SESTD1: variants seen among roughly 807,000 people sequenced by gnomAD.
SESTD1 encodes SEC14 and spectrin domain containing 1, also known as SEC14 domain and spectrin repeat-containing protein 1.
In SESTD1, 43 loss-of-function variants were observed where a neutral mutation model predicts 101.7. The ratio of observed to expected loss-of-function variants is 0.42; its 90% CI spans 0.33 to 0.55. The LOEUF is 0.55. Among genes scored for constraint, SESTD1 ranks in the 20% least tolerant of loss-of-function variants. The pLI is 0.07. For missense variants in SESTD1, 647 were observed against 815.1 expected, an observed-to-expected ratio of 0.79 and a Z score of 2.51; for synonymous variants, 283 against 286.8, an observed-to-expected ratio of 0.99 and a Z score of 0.13.
intron 5 of SESTD1, among the ~76,000 whole-genome samples, chr2:179,158,773 T>C (rs1397763030): frequency 1.3e-5 from 2 of 152,204 alleles, no homozygotes; most frequent in Non-Finnish European, 2.9e-5. Flanking sequence ...CACTGGTGGC[T>C]ATTAAAAGTT....
chr2:179,181,872 TGCTAATGCAATTA>T (rs796465670), intron 3 of SESTD1, among the ~76,000 whole-genome samples: 1 of 152,220 alleles, frequency 6.6e-6, no homozygotes, highest in African/African-American at 2.4e-5. Context: ...GCAAGATTAC[TGCTAATGCAATTA>T]GCTAATGCTA....
chr2:179,191,991 C>CT (rs913291336), intron 1 of SESTD1, 125 bp from the exon 2 acceptor site: 91 of 681,428 alleles, frequency 1.3e-4, no homozygotes, highest in African/African-American at 2.5e-4. Flanking sequence ...CAAGATAATT[C>CT]TTTTTTTGTA....
In SESTD1 at chr2:179,104,160, TAA is replaced by T. The variant is rs2044331636; in HGVS notation, c.*5737_*5738del. 1 of 152,164 alleles carries T rather than the reference TAA, an allele frequency of 6.6e-6. No homozygotes were observed. Among genetic ancestry groups the T allele is most frequent in the Admixed American group, 6.6e-5 (1 of 15,256 alleles). 9.4% of individuals were successfully genotyped at this position (152,164 alleles called of 1,614,324 possible). On this transcript the variant is annotated 3_prime_UTR_variant, in exon 18 of 18. Transcript: ENST00000428443. ...TGACAGTAAGATCATCAAATTCTTC[TAA>T]GTGTCCATTGAGAAGTAAGTTTCTC...
rs1318908909 is a variant in SESTD1 at position 179,186,633 on chromosome 2, T to G, written c.56-3445A>C. 5.9e-5 allele frequency among the ~76,000 whole-genome samples: 9 copies of G among 152,242 alleles called. No homozygotes were observed. In the East Asian group the frequency reaches 9.6e-4, roughly 16 times the overall value. The stretch of plus-strand genomic sequence containing the variant: ...TGACATCTACCTTGTAGAGGTCATT[T>G]TAATGAAATTACAGAACAGGATAAG... On this transcript the variant is annotated intron_variant, in intron 2 of 17. Coordinates refer to ENST00000428443, the MANE Select transcript of SESTD1 (RefSeq NM_178123.5).
rs1475842845 is a variant in SESTD1 at position 179,105,568 on chromosome 2, A to G, written c.*4331T>C. On this transcript the variant is annotated 3_prime_UTR_variant, in exon 18 of 18. Coordinates refer to ENST00000428443, the MANE Select transcript of SESTD1 (RefSeq NM_178123.5). ...GGGGGTGGGGCGGCGAACATAGGCA[A>G]TATGCCATTTCCTCACCATCCCATG... The G allele has an allele frequency of 6.6e-6, 1 of 152,134 alleles. No individual in the cohort carries two copies. The highest frequency in any genetic ancestry group is 2.4e-5 in the African/African-American group (1 of 41,438). 9.4% of individuals were successfully genotyped at this position (152,134 alleles called of 1,614,324 possible).
chr2:179,140,635 T>A (rs1242706812), intron 9 of SESTD1, among the ~76,000 whole-genome samples: 2 of 152,198 alleles, frequency 1.3e-5, no homozygotes, highest in Non-Finnish European at 1.5e-5. Flanking sequence ...TTACTCTATT[T>A]CTCATCTTTC....
intron 1 of SESTD1, among the ~76,000 whole-genome samples, chr2:179,236,870 T>C (rs1384134149): frequency 6.6e-6 from 1 of 151,726 alleles, no homozygotes; most frequent in Non-Finnish European, 1.5e-5. Context: ...TAGAATAATA[T>C]AAAACCATAT....
chr2:179,263,777 T>C (rs1251086846), intron 1 of SESTD1, among the ~76,000 whole-genome samples: 2 of 152,140 alleles, frequency 1.3e-5, no homozygotes, highest in South Asian at 2.1e-4. Flanking sequence ...TCTTTTCTAA[T>C]ATGAGTCTAC....
chr2:179,192,793 T>C (rs147291454), intron 1 of SESTD1, among the ~76,000 whole-genome samples: 259 of 152,278 alleles, frequency 1.7e-3, no homozygotes, highest in Non-Finnish European at 2.8e-3. Flanking sequence ...CAAAATCAGA[T>C]TCAATTCTAT....
intron 8 of SESTD1, among the ~76,000 whole-genome samples, chr2:179,144,453 T>C (rs2045351866): frequency 6.6e-6 from 1 of 152,086 alleles, no homozygotes; most frequent in Non-Finnish European, 1.5e-5. Flanking sequence ...AGAACTGCAA[T>C]GAATGTGACT....
intron 1 of SESTD1, among the ~76,000 whole-genome samples, chr2:179,231,346 A>G (rs2046984730): frequency 6.6e-6 from 1 of 152,150 alleles, no homozygotes; most frequent in Admixed American, 6.5e-5. Context: ...AGAAAAATGT[A>G]AAATAAACTT....
chr2:179,183,200 G>A lies in SESTD1; in HGVS notation c.56-12C>T. 1 of 1,563,880 alleles carries A rather than the reference G, an allele frequency of 6.4e-7. No individual in the cohort carries two copies. Among genetic ancestry groups the A allele is most frequent in the South Asian group, 1.1e-5 (1 of 88,128 alleles). On this transcript the variant is annotated splice_polypyrimidine_tract_variant and intron_variant, in intron 2 of 17. Coordinates refer to ENST00000428443, the MANE Select transcript of SESTD1 (RefSeq NM_178123.5). ...TCTGTCTTTTCCTCCTATTAAAAAA[G>A]AGATTTAAATTTAACATGTAATACA...
At position 179,102,887 on chromosome 2, in the gene SESTD1, AC is replaced by A. The variant is rs1213707050; in HGVS notation, c.*7011del. Reference sequence around the variant, plus strand: ...AAAACTGTGAGGTAGAATTTTTCCCACCCCGTTTTCTGCTCTTCTGGCCACC... The same window carrying A: ...AAAACTGTGAGGTAGAATTTTTCCCACCCGTTTTCTGCTCTTCTGGCCACC... On this transcript the variant is annotated 3_prime_UTR_variant, in exon 18 of 18. Coordinates refer to ENST00000428443, the MANE Select transcript of SESTD1 (RefSeq NM_178123.5). 1 of 151,844 alleles carries A rather than the reference AC, an allele frequency of 6.6e-6. No individual in the cohort carries two copies. The highest frequency in any genetic ancestry group is 1.5e-5 in the Non-Finnish European group (1 of 67,918). 9.4% of individuals were successfully genotyped at this position (151,844 alleles called of 1,614,324 possible).
chr2:179,198,046 T>G (rs1326649163), intron 1 of SESTD1, among the ~76,000 whole-genome samples: 1 of 152,146 alleles, frequency 6.6e-6, no homozygotes, highest in Non-Finnish European at 1.5e-5. Flanking sequence ...CCCATCAGTG[T>G]GCTGTATTCA....
chr2:179,123,841 G>A lies in SESTD1; in HGVS notation c.1168-12C>T, dbSNP rs2044807845. 6.3e-7 allele frequency: 1 copy of A among 1,586,460 alleles called. No individual in the cohort carries two copies. Among genetic ancestry groups the A allele is most frequent in the Non-Finnish European group, 8.7e-7 (1 of 1,155,454 alleles). ...AACTGCTGAGACAACTAAAGCAGAG[G>A]GACACCAAAGAGATAACCCTGATGT... is the stretch of plus-strand genomic sequence containing the variant. On this transcript the variant is annotated splice_polypyrimidine_tract_variant and intron_variant, in intron 11 of 17. Transcript: ENST00000428443.
At chr2:179,171,487 T>A (rs1310283811) in intron 5 of SESTD1, among the ~76,000 whole-genome samples, 1 of 152,228 alleles carries the variant, frequency 6.6e-6, no homozygotes, top group East Asian at 1.9e-4. Context: ...AGTCTTTGTA[T>A]TCTTCAAAGT....
At chr2:179,238,380 T>C (rs968803633) in intron 1 of SESTD1, among the ~76,000 whole-genome samples, 2 of 152,208 alleles carry the variant, frequency 1.3e-5, no homozygotes, top group Admixed American at 1.3e-4. Context: ...CGCCTTCTCA[T>C]GGCCTTAGAA....
chr2:179,134,553 C>T (rs779882897), intron 9 of SESTD1, among the ~76,000 whole-genome samples: 3 of 152,134 alleles, frequency 2.0e-5, no homozygotes, highest in Non-Finnish European at 4.4e-5. Flanking sequence ...CAATTTCCAT[C>T]AATTCTAAGT....
At chr2:179,221,938 A>G (rs2046821590) in intron 1 of SESTD1, among the ~76,000 whole-genome samples, 1 of 152,176 alleles carries the variant, frequency 6.6e-6, no homozygotes, top group African/African-American at 2.4e-5. Flanking sequence ...AAATTAAAAA[A>G]CAAAAAACAA....
Sources: gnomAD v4.1 joint callset for allele counts (sites outside exome capture counted in the v4.1 genomes callset) on GRCh38, gnomAD v4.1.1 for gene constraint, MANE v1.5 for transcripts, NCBI Gene and HGNC (gene_info 2026-07-23, HGNC 2026-07-21) for gene names.